The following MYO5B variants were observed in gnomAD, a reference collection of about 807,000 sequenced individuals.
The protein encoded by MYO5B is myosin VB.
A neutral mutation model predicts 229.3 loss-of-function variants in MYO5B; 143 were observed. That is an observed-to-expected ratio of 0.62 (90% CI 0.54 to 0.72). The LOEUF is 0.72. Ranked by LOEUF, MYO5B falls within the 30% of genes least tolerant of loss-of-function variation. The pLI, the probability that MYO5B is intolerant of heterozygous loss-of-function variation, is 0.00. For synonymous variants in MYO5B, 918 were observed against 885.2 expected (o/e 1.04, Z -0.66); for missense variants, 2,321 against 2,331.0 (o/e 1.00, Z 0.09).
chr18:50,101,548 GA>G (rs534834988), intron 1 of MYO5B, among the ~76,000 whole-genome samples: 3 of 149,788 alleles, frequency 2.0e-5, no homozygotes, highest in East Asian at 2.0e-4. Flanking sequence ...AAATTTACAA[GA>G]AAAAAAAACA....
intron 10 of MYO5B, among the ~76,000 whole-genome samples, chr18:49,972,305 C>T (rs1189282040): frequency 6.6e-6 from 1 of 152,154 alleles, no homozygotes; most frequent in Non-Finnish European, 1.5e-5. Flanking sequence ...TTGCACAAAC[C>T]GGGCTGACAT....
At chr18:50,007,780 T>C (rs2026118792) in intron 4 of MYO5B, among the ~76,000 whole-genome samples, 1 of 152,190 alleles carries the variant, frequency 6.6e-6, no homozygotes, top group African/African-American at 2.4e-5. Context: ...AACTGCTGTT[T>C]AATGTAATTA....
intron 4 of MYO5B, among the ~76,000 whole-genome samples, chr18:50,026,423 T>C (rs192963430): frequency 6.6e-5 from 10 of 152,368 alleles, no homozygotes; most frequent in Non-Finnish European, 8.8e-5. Flanking sequence ...TTTCCATATA[T>C]AATAAATGCA....
At chr18:50,133,133 A>G (rs1290584700) in intron 1 of MYO5B, among the ~76,000 whole-genome samples, 5 of 152,224 alleles carry the variant, frequency 3.3e-5, no homozygotes, top group Admixed American at 6.5e-5. Flanking sequence ...AAAAATATCA[A>G]TGAGGAGGAG....
chr18:49,882,125 G>A (rs2024592984), intron 22 of MYO5B, among the ~76,000 whole-genome samples: 1 of 152,110 alleles, frequency 6.6e-6, no homozygotes, highest in Non-Finnish European at 1.5e-5. Flanking sequence ...AAACAGGCAG[G>A]GAGAGAATGA....
At chr18:49,878,660 G>C (rs1325047709) in intron 24 of MYO5B, among the ~76,000 whole-genome samples, 2 of 152,134 alleles carry the variant, frequency 1.3e-5, no homozygotes, top group Non-Finnish European at 2.9e-5. Flanking sequence ...CTCAACACAG[G>C]AATGTTCCCG....
intron 9 of MYO5B, 44 bp from the exon 10 acceptor site, chr18:49,974,659 C>T (rs769705437): frequency 1.3e-6 from 2 of 1,593,290 alleles, no homozygotes; most frequent in Admixed American, 1.7e-5. Context: ...GTGTGGGAGA[C>T]AAGCCGCCCC....
intron 1 of MYO5B, among the ~76,000 whole-genome samples, chr18:50,148,011 G>A (rs949363935): frequency 2.8e-4 from 42 of 151,230 alleles, no homozygotes; most frequent in South Asian, 1.3e-3. Flanking sequence ...TATCACCACC[G>A]ATCCCACAGA....
chr18:49,843,919 C>A (rs2024093987), intron 33 of MYO5B, among the ~76,000 whole-genome samples: 1 of 152,236 alleles, frequency 6.6e-6, no homozygotes, highest in Admixed American at 6.5e-5. Context: ...TCTGGCCCAT[C>A]AGTTCAGGAA....
At chr18:49,883,534 T>C (rs2024611126) in intron 22 of MYO5B, among the ~76,000 whole-genome samples, 1 of 152,220 alleles carries the variant, frequency 6.6e-6, no homozygotes. Flanking sequence ...CAAAACACTT[T>C]TTAAGATGGC....
chr18:49,918,876 T>A (rs1461302569), intron 17 of MYO5B, among the ~76,000 whole-genome samples: 7 of 152,156 alleles, frequency 4.6e-5, no homozygotes. Context: ...GTACTAGGGA[T>A]GGACAAAATT....
At position 49,837,498 on chromosome 18, in the gene MYO5B, G is replaced by C. The variant is rs764370265; in HGVS notation, c.5138+19C>G. 12 of 1,613,332 alleles carry C rather than the reference G, an allele frequency of 7.4e-6. No homozygotes were observed. Among genetic ancestry groups the C allele is most frequent in the Middle Eastern group, 1.6e-4 (1 of 6,076 alleles). ...AGGGCCCACTCTATCTGTGTTGTTG[G>C]GGGGTGCTCCTCCCTTACCTGAGTT... is the stretch of plus-strand genomic sequence containing the variant. On this transcript the variant is annotated intron_variant, in intron 37 of 39. Coordinates refer to ENST00000285039, the MANE Select transcript of MYO5B (RefSeq NM_001080467.3).
At chr18:50,069,014 T>G (rs2030889052) in intron 1 of MYO5B, among the ~76,000 whole-genome samples, 1 of 152,072 alleles carries the variant, frequency 6.6e-6, no homozygotes, top group Non-Finnish European at 1.5e-5. Flanking sequence ...GTTTAGTGCT[T>G]TGTTTTCAGA....
chr18:50,047,800 G>A (rs906665614), intron 2 of MYO5B, among the ~76,000 whole-genome samples: 2 of 152,012 alleles, frequency 1.3e-5, no homozygotes, highest in Non-Finnish European at 2.9e-5. Flanking sequence ...GGACATGGAT[G>A]AAGCTGGAAA....
Position 49,977,823 on chromosome 18 carries a change from G to A in MYO5B, c.1056+2621C>T, listed in dbSNP as rs145826585. Among the ~76,000 whole-genome samples, 764 of 152,320 alleles carry A rather than the reference G, an allele frequency of 5.0e-3. 5 individuals carry two copies. The highest frequency in any genetic ancestry group is 0.017 in the South Asian group (80 of 4,828). ...TAGACAAAGACTCTCTCAACCACGA[G>A]CTCTGTGCTAAAACCTTTCCACACA... is the stretch of plus-strand genomic sequence containing the variant. On this transcript the variant is annotated intron_variant, in intron 9 of 39. Transcript: ENST00000285039.
intron 2 of MYO5B, among the ~76,000 whole-genome samples, chr18:50,049,391 T>G (rs997605818): frequency 1.6e-4 from 25 of 152,336 alleles, no homozygotes; most frequent in African/African-American, 6.0e-4. Context: ...TTAAGAGGTT[T>G]GAATTATAAA....
At chr18:49,880,263 C>T (rs2024572047) in intron 23 of MYO5B, 108 bp downstream of exon 23, 3 of 927,646 alleles carry the variant, frequency 3.2e-6, no homozygotes, top group Non-Finnish European at 5.4e-6. Context: ...AATCCTTTCC[C>T]CACTGTAGCC....
intron 1 of MYO5B, among the ~76,000 whole-genome samples, chr18:50,165,801 G>GGAAA (rs2032842146): frequency 6.6e-6 from 1 of 150,524 alleles, no homozygotes; most frequent in Non-Finnish European, 1.5e-5. Flanking sequence ...AAGGAAGGAA[G>GGAAA]GAAGGAAGGA....
At chr18:49,949,562 C>T (rs774784324) in intron 14 of MYO5B, among the ~76,000 whole-genome samples, 6 of 152,130 alleles carry the variant, frequency 3.9e-5, no homozygotes, top group African/African-American at 9.7e-5. Flanking sequence ...GGGAGTTCTT[C>T]GAACATCCCT....
Sources: allele counts gnomAD v4.1 joint callset (sites outside exome capture counted in the v4.1 genomes callset), GRCh38; gene constraint gnomAD v4.1.1; transcripts MANE v1.5; gene names NCBI Gene and HGNC (gene_info 2026-07-23, HGNC 2026-07-21).